The following AANAT variants were observed in gnomAD, a reference collection of about 807,000 sequenced individuals.
The protein encoded by AANAT is serotonin N-acetyltransferase.
A neutral mutation model predicts 15.6 loss-of-function variants in AANAT; 11 were observed. That is an observed-to-expected ratio of 0.71 (90% CI 0.44 to 1.17). The LOEUF is 1.17. AANAT is among the 50% of genes most tolerant of loss of function. AANAT has a pLI of 0.00. For synonymous variants in AANAT, 139 were observed against 131.5 expected (o/e 1.06, Z -0.39); for missense variants, 286 against 296.3 (o/e 0.97, Z 0.26).
chr17:76,463,721 C>T (rs949423947), upstream of AANAT, among the ~76,000 whole-genome samples: 3 of 152,140 alleles, frequency 2.0e-5, no homozygotes, highest in Non-Finnish European at 4.4e-5. Context: ...CTTGGACATT[C>T]TCCCCTGGGT....
In AANAT at chr17:76,454,439, C is replaced by G. The variant is rs566157257; in HGVS notation, c.-576+657C>G. ...GGCTGAGGTTGCAGTGAGCCCAGAT[C>G]GCGCCACTGCACTCCACCCTGGGCA... On this transcript the variant is annotated intron_variant, in intron 1 of 6. Coordinates refer to the AANAT transcript ENST00000250615. Among the ~76,000 whole-genome samples the G allele has an allele frequency of 7.3e-5, 11 of 151,454 alleles. No homozygotes were observed. In the East Asian group the frequency reaches 1.9e-3, roughly 27 times the overall value.
Position 76,469,535 on chromosome 17 carries a change from C to A in AANAT, c.319-130C>A. ...GGGGTATGGCTCCCAATTTGGGGCC[C>A]TCCTTTGCTGGGGTGGGTGCCCTGA... On this transcript the variant is annotated intron_variant, in intron 3 of 3. Coordinates refer to ENST00000392492, the MANE Select transcript of AANAT (RefSeq NM_001088.3). This position sits in a 1 kb window ranked among gnomAD's most constrained non-coding sequence, Gnocchi z 5.2. The A allele has an allele frequency of 7.9e-7, 1 of 1,260,112 alleles. No homozygotes were observed. The highest frequency in any genetic ancestry group is 2.9e-5 in the Admixed American group (1 of 34,326). The allele number at this position is 1,260,112 out of a possible 1,614,324, so 78.1% of individuals were successfully genotyped here. A position where few individuals can be genotyped will look rare whatever the true frequency, so the allele number is the denominator to read the frequency against.
chr17:76,466,200 A>C, upstream of AANAT: 1 of 1,536,710 alleles, frequency 6.5e-7, no homozygotes, highest in Non-Finnish European at 8.7e-7. Context: ...GAAGGGACAG[A>C]AGAGGCCTTT....
intron 2 of AANAT, among the ~76,000 whole-genome samples, chr17:76,460,778 GT>G (rs1448053425): frequency 6.6e-6 from 1 of 152,114 alleles, no homozygotes; most frequent in African/African-American, 2.4e-5. Flanking sequence ...GGTCTGGAAG[GT>G]TCCTGAGGTA....
At position 76,469,466 on chromosome 17, in the gene AANAT, C is replaced by A; in HGVS notation, c.318+139C>A. ...ATGAGTACAGGCCACAGGCCCCTCC[C>A]AGAGCAAGACCTTCTGGGTCTTCAA... On this transcript the variant is annotated intron_variant, in intron 3 of 3. Transcript: ENST00000392492. The surrounding 1 kb of genome is among the most constrained non-coding windows in gnomAD (Gnocchi z 5.2). 2.3e-6 allele frequency: 3 copies of A among 1,310,600 alleles called. No individual in the cohort carries two copies. Among genetic ancestry groups the A allele is most frequent in the Non-Finnish European group, 3.1e-6 (3 of 965,248 alleles). The allele number at this position is 1,310,600 out of a possible 1,614,324, so 81.2% of individuals were successfully genotyped here. A position where few individuals can be genotyped will look rare whatever the true frequency, so the allele number is the denominator to read the frequency against.
intron 2 of AANAT, 31 bp downstream of exon 2, chr17:76,468,940 G>T: frequency 6.3e-7 from 1 of 1,597,094 alleles, no homozygotes. Context: ...TCAGAGGGAT[G>T]CTCCACTCTG....
In AANAT at chr17:76,469,210, G is replaced by A. The variant is rs1282172743; in HGVS notation, c.201G>A (p.Leu67=). 2 of 1,614,164 alleles carry A rather than the reference G, an allele frequency of 1.2e-6. No individual in the cohort carries two copies. The highest frequency in any genetic ancestry group is 1.7e-6 in the Non-Finnish European group (2 of 1,180,036). ...ISVLGVCPLY[L]DEIRHFLTLC... ...TCTTGGGCGTCTGCCCCCTGTACCT[G>A]GATGAGATCCGGCACTTCCTGACCC... Residue 67 remains leucine (L), a synonymous_variant, in exon 3 of 4, where the codon CTG becomes CTA. Transcript: ENST00000392492. The surrounding 1 kb of genome is among the most constrained non-coding windows in gnomAD (Gnocchi z 5.2).
chr17:76,459,834 G>C (rs1318912434), intron 2 of AANAT, among the ~76,000 whole-genome samples: 1 of 152,216 alleles, frequency 6.6e-6, no homozygotes, highest in Non-Finnish European at 1.5e-5. Context: ...TGGCAGGCCT[G>C]ATAACATTAG....
chr17:76,467,351 G>A (rs1386997461), upstream of AANAT, among the ~76,000 whole-genome samples: 1 of 152,132 alleles, frequency 6.6e-6, no homozygotes, highest in African/African-American at 2.4e-5. Context: ...CTGGTGCCCA[G>A]CCAGTCGGTG....
exon 1 of AANAT, chr17:76,453,532 T>G: frequency 5.8e-6 from 1 of 172,544 alleles, no homozygotes. Context: ...CGTCCTAGCC[T>G]AGCCCCCAGG....
intron 1 of AANAT, among the ~76,000 whole-genome samples, chr17:76,467,956 T>C (rs1357560027): frequency 2.0e-5 from 3 of 151,922 alleles, no homozygotes; most frequent in Non-Finnish European, 4.4e-5. Context: ...GCAGGGGGTG[T>C]CCTATGCACT....
intron 2 of AANAT, among the ~76,000 whole-genome samples, chr17:76,462,044 T>G (rs2073393936): frequency 6.6e-6 from 1 of 152,148 alleles, no homozygotes; most frequent in Admixed American, 6.5e-5. Flanking sequence ...TTAGGAGACA[T>G]GTACTACCCC....
chr17:76,460,389 TG>T (rs1427335284), intron 2 of AANAT, among the ~76,000 whole-genome samples: 3 of 152,014 alleles, frequency 2.0e-5, no homozygotes, highest in Non-Finnish European at 4.4e-5. Context: ...TGACCTCAGG[TG>T]ATCCACCTGC....
upstream of AANAT, among the ~76,000 whole-genome samples, chr17:76,466,778 G>A (rs142743425): frequency 5.9e-5 from 9 of 152,078 alleles, no homozygotes; most frequent in South Asian, 2.1e-4. Context: ...TCCAGGGCCC[G>A]GCACATAGCA....
Position 76,469,914 on chromosome 17 carries a change from G to C in AANAT, c.568G>C (p.Glu190Gln). 1 of 1,566,250 alleles carries C rather than the reference G, an allele frequency of 6.4e-7. No homozygotes were observed. The highest frequency in any genetic ancestry group is 1.4e-5 in the African/African-American group (1 of 73,992). ...CACCGTGGGCTCCCTCACCTTCATG[G>C]AGCTCCACTGCTCCCTGCGGGGCCA... ...AITVGSLTFM[E>Q]LHCSLRGHPF... The change falls in exon 4 of 4, where the codon GAG (glutamate) becomes CAG (glutamine). Residue 190 changes from glutamate (E) to glutamine (Q), a missense_variant. By Grantham distance (29) the Glu-to-Gln change is conservative. Transcript: ENST00000392492. This position sits in a 1 kb window ranked among gnomAD's most constrained non-coding sequence, Gnocchi z 5.2.
Position 76,468,735 on chromosome 17 carries a change from C to A in AANAT, c.-12C>A. ...AAAGCTGGGGCGCCCCAAGGAGGCA[C>A]CAGTGGCCAGAATGTCCACGCAGAG... On this transcript the variant is annotated 5_prime_UTR_variant, in exon 2 of 4. Transcript: ENST00000392492. 6.2e-7 allele frequency: 1 copy of A among 1,608,528 alleles called. No individual in the cohort carries two copies. The highest frequency in any genetic ancestry group is 1.1e-5 in the South Asian group (1 of 90,352).
chr17:76,455,141 C>G (rs2073331472), intron 1 of AANAT, among the ~76,000 whole-genome samples: 2 of 151,108 alleles, frequency 1.3e-5, no homozygotes, highest in South Asian at 4.2e-4. Context: ...AAAAGTAACT[C>G]TAGGCCGGGC....
upstream of AANAT, chr17:76,467,518 C>T (rs1020324285): frequency 7.1e-6 from 7 of 984,982 alleles, no homozygotes; most frequent in Non-Finnish European, 7.2e-6. Context: ...CTGCCAGAGC[C>T]CTGCTGGCGT....
chr17:76,454,589 T>C (rs1399773158), intron 1 of AANAT, among the ~76,000 whole-genome samples: 1 of 150,270 alleles, frequency 6.7e-6, no homozygotes, highest in Non-Finnish European at 1.5e-5. Flanking sequence ...CAGAAGCAGA[T>C]GGATCACCTG....
Sources: gnomAD v4.1 joint callset for allele counts (sites outside exome capture counted in the v4.1 genomes callset) on GRCh38, gnomAD v4.1.1 for gene constraint, Gnocchi (gnomAD v3.1) non-coding constraint, MANE v1.5 for transcripts, NCBI Gene and HGNC (gene_info 2026-07-23, HGNC 2026-07-21) for gene names.